The following FSTL5 variants were observed in gnomAD, a reference collection of about 807,000 sequenced individuals.
The protein encoded by FSTL5 is follistatin-related protein 5.
FSTL5 carries 62 observed loss-of-function variants against 89.1 expected under a neutral mutation model. The observed-to-expected ratio is 0.70, with a 90% CI of 0.57 to 0.86. The LOEUF (loss-of-function observed/expected upper bound fraction) is 0.86. Ranked by LOEUF, FSTL5 falls within the 40% of genes least tolerant of loss-of-function variation. FSTL5 has a pLI of 0.00. For synonymous variants in FSTL5, 383 were observed against 346.2 expected (o/e 1.11, Z -1.18); for missense variants, 1,057 against 1,001.6 (o/e 1.06, Z -0.75).
At chr4:161,739,800 C>T (rs1214288309) in intron 6 of FSTL5, among the ~76,000 whole-genome samples, 3 of 151,724 alleles carry the variant, frequency 2.0e-5, no homozygotes, top group East Asian at 3.9e-4. Context: ...ACATGAGTAG[C>T]CAGATGAATA....
chr4:161,758,848 A>G (rs1278816898), intron 6 of FSTL5, among the ~76,000 whole-genome samples: 11 of 152,200 alleles, frequency 7.2e-5, no homozygotes. Context: ...GAATAACCTG[A>G]TAAGTAATTT....
chr4:161,521,805 C>T (rs867909120), intron 10 of FSTL5, among the ~76,000 whole-genome samples: 30 of 139,778 alleles, frequency 2.1e-4, no homozygotes, highest in African/African-American at 6.4e-4. Flanking sequence ...GCCGAGATCG[C>T]GCCACTGCAC....
intron 4 of FSTL5, among the ~76,000 whole-genome samples, chr4:161,908,688 T>G (rs1733606593): frequency 6.6e-6 from 1 of 152,080 alleles, no homozygotes; most frequent in East Asian, 1.9e-4. Context: ...TATGCATAAC[T>G]TAGAAATTAA....
chr4:161,735,902 G>A (rs541175656), intron 6 of FSTL5, among the ~76,000 whole-genome samples: 1 of 151,906 alleles, frequency 6.6e-6, no homozygotes, highest in African/African-American at 2.4e-5. Context: ...TATTTTTGAA[G>A]AGAATGGATT....
intron 15 of FSTL5, among the ~76,000 whole-genome samples, chr4:161,452,501 T>C (rs118041377): frequency 2.0e-5 from 3 of 152,050 alleles, no homozygotes; most frequent in East Asian, 3.9e-4. Context: ...ATATACTATA[T>C]GAAATTGATA....
intron 4 of FSTL5, among the ~76,000 whole-genome samples, chr4:161,811,395 G>A (rs1044957000): frequency 2.0e-5 from 3 of 152,006 alleles, no homozygotes; most frequent in South Asian, 2.1e-4. Context: ...TGTAGATGCC[G>A]AGCATTTGAA....
Position 161,511,673 on chromosome 4 carries a change from ATATGT to A in FSTL5, c.1313-1254_1313-1250del, listed in dbSNP as rs137988755. Among the ~76,000 whole-genome samples, 1,469 of 152,248 alleles carry A rather than the reference ATATGT, an allele frequency of 9.6e-3. 22 individuals are homozygous for A. Among genetic ancestry groups the A allele is most frequent in the African/African-American group, 0.032 (1,350 of 41,570 alleles). The stretch of plus-strand genomic sequence containing the variant: ...AACATATTCAATCTTTGTCAACTAA[ATATGT>A]TATAAGATGATAAAAAGACAAATCT... On this transcript the variant is annotated intron_variant, in intron 10 of 15. Transcript: ENST00000306100.
At chr4:162,096,457 G>A (rs1023852515) in intron 2 of FSTL5, among the ~76,000 whole-genome samples, 3 of 151,680 alleles carry the variant, frequency 2.0e-5, no homozygotes, top group Non-Finnish European at 1.5e-5. Flanking sequence ...TGAAATGGGA[G>A]TAGGCAATCA....
At chr4:162,060,363 G>A (rs1738681626) in intron 2 of FSTL5, among the ~76,000 whole-genome samples, 2 of 151,964 alleles carry the variant, frequency 1.3e-5, no homozygotes, top group Admixed American at 6.6e-5. Flanking sequence ...TATTTCCTTC[G>A]AGTTGTGAAA....
At chr4:161,761,102 G>C (rs1740776849) in intron 5 of FSTL5, among the ~76,000 whole-genome samples, 1 of 152,184 alleles carries the variant, frequency 6.6e-6, no homozygotes, top group African/African-American at 2.4e-5. Flanking sequence ...CTGATTATTT[G>C]TTACCTTGAG....
chr4:162,006,107 A>T (rs1047841961), intron 3 of FSTL5, among the ~76,000 whole-genome samples: 1 of 150,944 alleles, frequency 6.6e-6, no homozygotes, highest in Non-Finnish European at 1.5e-5. Flanking sequence ...TTTTTTTTTA[A>T]AATATTATAA....
At chr4:161,932,188 A>T (rs1448906676) in intron 3 of FSTL5, among the ~76,000 whole-genome samples, 3 of 152,028 alleles carry the variant, frequency 2.0e-5, no homozygotes, top group Non-Finnish European at 4.4e-5. Context: ...AATTTAATTT[A>T]GTATATTAAT....
At chr4:161,488,965 C>A (rs1396386088) in intron 12 of FSTL5, among the ~76,000 whole-genome samples, 1 of 151,988 alleles carries the variant, frequency 6.6e-6, no homozygotes, top group Non-Finnish European at 1.5e-5. Context: ...TGATCTTTCT[C>A]ATTTCTTTAC....
chr4:161,854,164 C>CT (rs1385475569), intron 4 of FSTL5, among the ~76,000 whole-genome samples: 1 of 152,142 alleles, frequency 6.6e-6, no homozygotes, highest in African/African-American at 2.4e-5. Flanking sequence ...AAGCTTTCTA[C>CT]TGGAATCTTA....
intron 6 of FSTL5, among the ~76,000 whole-genome samples, chr4:161,678,888 G>A (rs1737415650): frequency 6.6e-6 from 1 of 151,698 alleles, no homozygotes; most frequent in Non-Finnish European, 1.5e-5. Flanking sequence ...GGGTATTAAT[G>A]TCTTTTTATC....
At chr4:161,865,165 A>G in intron 4 of FSTL5, among the ~76,000 whole-genome samples, 1 of 152,146 alleles carries the variant, frequency 6.6e-6, no homozygotes, top group East Asian at 1.9e-4. Flanking sequence ...AAGTGAAAAG[A>G]GAAGAGACAC....
intron 6 of FSTL5, among the ~76,000 whole-genome samples, chr4:161,710,999 A>G (rs1270703321): frequency 6.6e-6 from 1 of 152,196 alleles, no homozygotes; most frequent in Non-Finnish European, 1.5e-5. Context: ...ATGAATGAAA[A>G]CAAAAATACG....
intron 6 of FSTL5, among the ~76,000 whole-genome samples, chr4:161,685,336 G>A (rs1737675956): frequency 6.6e-6 from 1 of 152,068 alleles, no homozygotes; most frequent in South Asian, 2.1e-4. Flanking sequence ...ATTGCTTTTG[G>A]CAGTATGGTC....
chr4:162,067,671 T>C (rs1257391086), intron 2 of FSTL5, among the ~76,000 whole-genome samples: 2 of 151,822 alleles, frequency 1.3e-5, no homozygotes, highest in Non-Finnish European at 2.9e-5. Flanking sequence ...CTCTTACCAC[T>C]CCAACATAAT....
Sources: gnomAD v4.1 joint callset for allele counts (sites outside exome capture counted in the v4.1 genomes callset) on GRCh38, gnomAD v4.1.1 for gene constraint, MANE v1.5 for transcripts, NCBI Gene and HGNC (gene_info 2026-07-23, HGNC 2026-07-21) for gene names.